The following SYDE2 variants were observed in gnomAD, a reference collection of about 807,000 sequenced individuals.
SYDE2 encodes rho GTPase-activating protein SYDE2.
In SYDE2, 76 loss-of-function variants were observed where a neutral mutation model predicts 91.5. The ratio of observed to expected loss-of-function variants is 0.83; its 90% CI spans 0.69 to 1.01. SYDE2 has a LOEUF of 1.01. Among genes scored for constraint, SYDE2 ranks in the 50% least tolerant of loss-of-function variants. The pLI, the probability that SYDE2 is intolerant of heterozygous loss-of-function variation, is 0.00. For synonymous variants in SYDE2, 513 were observed against 506.4 expected (o/e 1.01, Z -0.18); for missense variants, 1,364 against 1,367.7 (o/e 1.00, Z 0.04).
intron 1 of SYDE2, among the ~76,000 whole-genome samples, chr1:85,194,470 A>G (rs1395610584): frequency 1.4e-5 from 2 of 148,036 alleles, no homozygotes; most frequent in African/African-American, 4.9e-5. Context: ...TACAATATAT[A>G]ATAAAATATA....
At chr1:85,166,184 A>G (rs1199163288) in intron 5 of SYDE2, among the ~76,000 whole-genome samples, 2 of 151,958 alleles carry the variant, frequency 1.3e-5, no homozygotes, top group Non-Finnish European at 2.9e-5. Context: ...TACTGAAAAT[A>G]CAAAAAAATA....
chr1:85,174,022 T>A (rs1657598712), intron 4 of SYDE2, among the ~76,000 whole-genome samples: 1 of 150,358 alleles, frequency 6.7e-6, no homozygotes, highest in East Asian at 1.9e-4. Context: ...ATAGAAACAA[T>A]CTAAAATGAA....
At chr1:85,196,690 T>A (rs968456055) in intron 1 of SYDE2, among the ~76,000 whole-genome samples, 5 of 151,220 alleles carry the variant, frequency 3.3e-5, no homozygotes, top group African/African-American at 1.2e-4. Flanking sequence ...TAGAAGACTG[T>A]CAAAAACTAT....
intron 1 of SYDE2, chr1:85,194,771 A>T (rs12023751): frequency 0.054 from 50,985 of 947,210 alleles, 1,522 homozygotes; most frequent in East Asian, 0.16. Context: ...TTTCATAATA[A>T]ATCTAGATTA....
intron 5 of SYDE2, 119 bp downstream of exon 5, chr1:85,168,925 G>A (rs1471413339): frequency 2.3e-6 from 2 of 872,950 alleles, no homozygotes; most frequent in Non-Finnish European, 3.7e-6. Flanking sequence ...AGTAATGGCA[G>A]AGCTTTTAAA....
In SYDE2 at chr1:85,163,058, C is replaced by T. The variant is rs577198663; in HGVS notation, c.3085+1468G>A. On this transcript the variant is annotated intron_variant, in intron 6 of 6. Transcript: ENST00000341460. ...ACATGAATTAGAATAATTTTTAAGC[C>T]GGCATTTAAAAGAAAGTAAAAGCTT... Among the ~76,000 whole-genome samples the T allele has an allele frequency of 4.8e-4, 73 of 151,482 alleles. No individual in the cohort carries two copies. In the South Asian group the frequency reaches 0.013, roughly 27 times the overall value.
Position 85,190,546 on chromosome 1 carries a change from G to C in SYDE2, c.952C>G (p.Pro318Ala). 6.2e-7 allele frequency: 1 copy of C among 1,613,994 alleles called. No individual in the cohort carries two copies. The highest frequency in any genetic ancestry group is 8.5e-7 in the Non-Finnish European group (1 of 1,179,880). Residue 318 changes from proline (P) to alanine (A), a missense_variant, in exon 2 of 7, where the codon CCT becomes GCT. Transcript: ENST00000341460. ...AGCTGATGTTTAGGTAGAGACACAG[G>C]TGAGATGGATAAATGACTTCTATCT... ...CQDRSHLSIS[P>A]VSLPKHQLSQ...
Position 85,182,394 on chromosome 1 carries a change from C to T in SYDE2, c.2248G>A (p.Glu750Lys), listed in dbSNP as rs1247455726. 6.2e-7 allele frequency: 1 copy of T among 1,613,658 alleles called. No homozygotes were observed. The highest frequency in any genetic ancestry group is 2.2e-5 in the East Asian group (1 of 44,874). Residue 750 changes from glutamate (E) to lysine (K), a missense_variant, in exon 3 of 7, where the codon GAA becomes AAA. By Grantham distance (56) the Glu-to-Lys change is moderately conservative. Transcript: ENST00000341460. ...ACTCGATTTTTTCTTGGAGTGGGTTCCCAACTGAATACTACTAGTTTCAAA... is the reference window on the plus strand; with the variant it reads ...ACTCGATTTTTTCTTGGAGTGGGTTTCCAACTGAATACTACTAGTTTCAAA... ...QHLKLVVFSW[E>K]PTPRKNRVCC... is the part of the protein sequence containing the mutation.
At chr1:85,171,559 C>T (rs550105234) in intron 4 of SYDE2, among the ~76,000 whole-genome samples, 2 of 152,032 alleles carry the variant, frequency 1.3e-5, no homozygotes, top group African/African-American at 4.8e-5. Context: ...TGGCTGCACA[C>T]TGAGGCTTTA....
chr1:85,161,723 C>T (rs1657066285), intron 6 of SYDE2, among the ~76,000 whole-genome samples: 1 of 117,850 alleles, frequency 8.5e-6, no homozygotes, highest in Non-Finnish European at 1.7e-5. Flanking sequence ...GAGACTCCAT[C>T]TCAAAAAAAA....
At chr1:85,169,763 A>T (rs533094452) in intron 4 of SYDE2, among the ~76,000 whole-genome samples, 1 of 152,326 alleles carries the variant, frequency 6.6e-6, no homozygotes, top group South Asian at 2.1e-4. Flanking sequence ...CTACACTATC[A>T]TATGCAAGAA....
In SYDE2 at chr1:85,200,443, G is replaced by T. The variant is rs1212528731; in HGVS notation, c.554C>A (p.Ala185Glu). 1.9e-6 allele frequency: 3 copies of T among 1,613,880 alleles called. No homozygotes were observed. In the African/African-American group the frequency reaches 4.0e-5, roughly 22 times the overall value. Reference sequence around the variant, plus strand: ...CTTCTGCAGCTTCTTGACTGTCACTGCCGGCGGCCTGAGGAAGGAGGGGCC... The same window carrying T: ...CTTCTGCAGCTTCTTGACTGTCACTTCCGGCGGCCTGAGGAAGGAGGGGCC... ...QEGPSFLRPP[A>E]VTVKKLQKWM... The change falls in exon 1 of 7, where the codon GCA becomes GAA. Residue 185 changes from alanine (A) to glutamate (E), a missense_variant. Ala to Glu is a moderately radical substitution (Grantham distance 107). Transcript: ENST00000341460.
At position 85,183,203 on chromosome 1, in the gene SYDE2, T is replaced by C; in HGVS notation, c.1442-3A>G. On this transcript the variant is annotated splice_polypyrimidine_tract_variant and splice_region_variant and intron_variant, in intron 2 of 6. Transcript: ENST00000341460. Reference sequence around the variant, plus strand: ...TGTAGCAGCCAGGATCCCAGAACCTTAAAAGAAAGAAAGAAAAATACGTTA... The same window carrying C: ...TGTAGCAGCCAGGATCCCAGAACCTCAAAAGAAAGAAAGAAAAATACGTTA... The C allele has an allele frequency of 6.5e-7, 1 of 1,534,084 alleles. No homozygotes were observed. The highest frequency in any genetic ancestry group is 2.3e-5 in the East Asian group (1 of 43,882).
rs1175191287 is a variant in SYDE2, at chr1:85,200,339, G to C, written c.658C>G (p.Gln220Glu). ...RGTAPKVTGT[Q>E]AASPNVGALK... ...GCGCCCACATTTGGGGAGGCTGCCT[G>C]CGTTCCTGTGACTTTGGGAGCCGTC... Residue 220 changes from glutamine (Q) to glutamate (E), a missense_variant, in exon 1 of 7, where the codon CAG (glutamine) becomes GAG (glutamate). By Grantham distance (29) the Gln-to-Glu change is conservative (BLOSUM62 2). Transcript: ENST00000341460. 9.3e-6 allele frequency: 15 copies of C among 1,613,872 alleles called. No homozygotes were observed. Among genetic ancestry groups the C allele is most frequent in the Non-Finnish European group, 1.3e-5 (15 of 1,179,900 alleles).
At chr1:85,167,491 A>T (rs368234828) in intron 5 of SYDE2, among the ~76,000 whole-genome samples, 3 of 152,154 alleles carry the variant, frequency 2.0e-5, no homozygotes, top group African/African-American at 7.2e-5. Flanking sequence ...GTCTGGCTCT[A>T]TTGCCCAGGC....
intron 1 of SYDE2, among the ~76,000 whole-genome samples, chr1:85,192,563 A>T (rs1411461026): frequency 6.6e-6 from 1 of 152,208 alleles, no homozygotes; most frequent in Non-Finnish European, 1.5e-5. Context: ...TAGAAATCAG[A>T]AGGCAAGGAA....
chr1:85,178,155 C>T lies in SYDE2; in HGVS notation c.2662G>A (p.Val888Ile), dbSNP rs1027068486. ...AAAATCTATTTATTACCTGTTATTA[C>T]ATTTATATCTGGGTACTGGTTTTCA... ...LCENQYPDIN[V>I]ITGVLKDYLR... The change falls in exon 4 of 7, where the codon GTA becomes ATA. Residue 888 changes from valine (V) to isoleucine (I), a missense_variant. By Grantham distance (29) the Val-to-Ile change is conservative (BLOSUM62 3). Coordinates refer to ENST00000341460, the MANE Select transcript of SYDE2 (RefSeq NM_032184.2). The T allele has an allele frequency of 1.3e-6, 2 of 1,571,634 alleles. No homozygotes were observed. Among genetic ancestry groups the T allele is most frequent in the African/African-American group, 2.7e-5 (2 of 73,702 alleles).
At chr1:85,168,714 C>A (rs898753278) in intron 5 of SYDE2, among the ~76,000 whole-genome samples, 2 of 152,088 alleles carry the variant, frequency 1.3e-5, no homozygotes, top group Non-Finnish European at 1.5e-5. Flanking sequence ...TTGATGATTG[C>A]AATTTTATAT....
rs375896635 is a variant in SYDE2 at position 85,191,699 on chromosome 1, G to A, written c.746-947C>T. On this transcript the variant is annotated intron_variant, in intron 1 of 6. Coordinates refer to ENST00000341460, the MANE Select transcript of SYDE2 (RefSeq NM_032184.2). ...CTTGAACCCAGGAGGTGGAGGTTGTGGTGAGCCGAGATCGTGCCACTGCAC... is the reference window on the plus strand; with the variant it reads ...CTTGAACCCAGGAGGTGGAGGTTGTAGTGAGCCGAGATCGTGCCACTGCAC... Among the ~76,000 whole-genome samples the A allele has an allele frequency of 3.3e-5, 5 of 151,374 alleles. No individual in the cohort carries two copies. In the East Asian group the frequency reaches 9.8e-4, roughly 30 times the overall value.
Sources: gnomAD v4.1 joint callset for allele counts (sites outside exome capture counted in the v4.1 genomes callset) on GRCh38, gnomAD v4.1.1 for gene constraint, MANE v1.5 for transcripts, NCBI Gene and HGNC (gene_info 2026-07-23, HGNC 2026-07-21) for gene names.